The following OBSL1 variants were observed in gnomAD, a reference collection of about 807,000 sequenced individuals.
OBSL1 encodes the protein obscurin-like protein 1.
In OBSL1, 160 loss-of-function variants were observed where a neutral mutation model predicts 172.0. The ratio of observed to expected loss-of-function variants is 0.93; its 90% CI spans 0.82 to 1.06. The LOEUF is 1.06. Among genes scored for constraint, OBSL1 ranks in the 50% least tolerant of loss-of-function variants. The pLI, the probability that OBSL1 is intolerant of heterozygous loss-of-function variation, is 0.00. For synonymous variants in OBSL1, 1,200 were observed against 1,196.3 expected (o/e 1.00, Z -0.06); for missense variants, 2,681 against 2,715.4 (o/e 0.99, Z 0.28).
chr2:219,571,381 C>T lies in OBSL1; in HGVS notation c.-149G>A. On this transcript the variant is annotated 5_prime_UTR_variant, in exon 1 of 21. Transcript: ENST00000404537. ...GCTCTCCCGGGCCTCCCGCTCCCGG[C>T]TCGCCTCCTTACCCTCGGCCCCGAG... 2.4e-6 allele frequency: 1 copy of T among 424,868 alleles called. No individual in the cohort carries two copies. The highest frequency in any genetic ancestry group is 3.8e-6 in the Non-Finnish European group (1 of 263,514). 26.3% of individuals were successfully genotyped at this position (424,868 alleles called of 1,614,324 possible).
chr2:219,569,241 C>A (rs915945359), intron 1 of OBSL1: 1 of 152,184 alleles, frequency 6.6e-6, no homozygotes, highest in Non-Finnish European at 1.5e-5. Flanking sequence ...CAGATCAGCA[C>A]CAACCTGATG....
chr2:219,567,146 C>A lies in OBSL1; in HGVS notation c.1838-20G>T, dbSNP rs757897947. On this transcript the variant is annotated intron_variant, in intron 4 of 20. Coordinates refer to ENST00000404537, the MANE Select transcript of OBSL1 (RefSeq NM_015311.3). ...TGGGCACTGAGGCAGGGACAGAGTGCAGCTGTCAGAACTAGAAGGTGTGGC... is the reference window on the plus strand; with the variant it reads ...TGGGCACTGAGGCAGGGACAGAGTGAAGCTGTCAGAACTAGAAGGTGTGGC... 3 of 1,608,900 alleles carry A rather than the reference C, an allele frequency of 1.9e-6. No homozygotes were observed. Among genetic ancestry groups the A allele is most frequent in the Non-Finnish European group, 2.5e-6 (3 of 1,176,846 alleles).
chr2:219,567,077 G>C lies in OBSL1; in HGVS notation c.1887C>G (p.Asp629Glu), dbSNP rs377378051. ...CGAGGGAGAAGACGGCATCTTCCCC[G>C]TCGTATACCTGCACATCCTCCAGAC... The part of the protein sequence containing the change: ...VAGLEDVQVY[D>E]GEDAVFSLDL... The change falls in exon 5 of 21, where the codon GAC becomes GAG. Residue 629 changes from aspartate to glutamate, a missense_variant. Asp to Glu is a conservative substitution (Grantham distance 45). Coordinates refer to ENST00000404537, the MANE Select transcript of OBSL1 (RefSeq NM_015311.3). 6.2e-7 allele frequency: 1 copy of C among 1,613,234 alleles called. No individual in the cohort carries two copies. The highest frequency in any genetic ancestry group is 1.7e-5 in the Admixed American group (1 of 60,008).
intron 15 of OBSL1, among the ~76,000 whole-genome samples, chr2:219,553,908 G>T (rs975841478): frequency 8.5e-5 from 13 of 152,054 alleles, no homozygotes; most frequent in African/African-American, 2.9e-4. Context: ...GGCCAACTGG[G>T]AGTCACACTT....
intron 9 of OBSL1, among the ~76,000 whole-genome samples, 173 bp from the exon 10 acceptor site, chr2:219,558,632 T>C (rs1696223999): frequency 6.6e-6 from 1 of 152,248 alleles, no homozygotes; most frequent in South Asian, 2.1e-4. Flanking sequence ...CCCTGTGTTT[T>C]TTCAATCAGT....
chr2:219,565,117 C>T (rs924302334), intron 6 of OBSL1, 125 bp downstream of exon 6: 25 of 974,046 alleles, frequency 2.6e-5, no homozygotes, highest in Non-Finnish European at 3.7e-5. Flanking sequence ...TGAAACATGT[C>T]CCCTGGGCCA....
At chr2:219,548,680 A>G (rs1409419037), downstream of OBSL1, among the ~76,000 whole-genome samples, 1 of 152,186 alleles carries the variant, frequency 6.6e-6, no homozygotes, top group African/African-American at 2.4e-5. Context: ...TCTGGGTCAT[A>G]AGAAGCACTC....
At chr2:219,549,667 T>C, downstream of OBSL1, 1 of 1,600,484 alleles carries the variant, frequency 6.2e-7, no homozygotes, top group South Asian at 1.1e-5. Context: ...AGGTGGCTTT[T>C]AGGGCAGGAT....
intron 7 of OBSL1, chr2:219,562,948 G>T: frequency 1.8e-6 from 1 of 547,726 alleles, no homozygotes; most frequent in Non-Finnish European, 3.2e-6. Context: ...TCTCTGGGTT[G>T]GGACAGGGAC....
chr2:219,552,779 G>A (rs1695728569), intron 17 of OBSL1, 82 bp from the exon 18 acceptor site: 6 of 1,515,910 alleles, frequency 4.0e-6, no homozygotes, highest in Non-Finnish European at 3.5e-6. Flanking sequence ...CTTTCTAGAA[G>A]CACGCGCGGT....
rs6436157 is a variant in OBSL1 at position 219,553,189 on chromosome 2, T to C, written c.4990-165A>G. 0.94 allele frequency among the ~76,000 whole-genome samples: 143,421 copies of C among 152,266 alleles called. 67,964 individuals are homozygous for C. Among genetic ancestry groups the C allele is most frequent in the East Asian group, 1 (5,153 of 5,154 alleles). ...TCGGACTGTCCCCAAGCCTTTGGGG[T>C]CGTGCCAGGAGCCTCTTTGAAAAAG... On this transcript the variant is annotated intron_variant, in intron 16 of 20. Coordinates refer to ENST00000404537, the MANE Select transcript of OBSL1 (RefSeq NM_015311.3).
downstream of OBSL1, chr2:219,549,080 TGA>T (rs781735595): frequency 1.5e-5 from 24 of 1,559,136 alleles, 1 homozygote; most frequent in South Asian, 2.6e-4. Flanking sequence ...ACAGGTGGGA[TGA>T]GAGAGGGAGG....
chr2:219,559,486 G>C lies in OBSL1; in HGVS notation c.2965C>G (p.Arg989Gly). The C allele has an allele frequency of 6.2e-7, 1 of 1,608,700 alleles. No homozygotes were observed. Among genetic ancestry groups the C allele is most frequent in the Non-Finnish European group, 8.5e-7 (1 of 1,175,516 alleles). Reference protein sequence around the residue: ...FTVTVTEPPVRIIYPRDEVTL... With the variant: ...FTVTVTEPPVGIIYPRDEVTL... ...ACCTCATCGCGAGGGTATATGATCCGCACTGGGGGTTCTGCAGGGTGGGGA... is the reference window on the plus strand; with the variant it reads ...ACCTCATCGCGAGGGTATATGATCCCCACTGGGGGTTCTGCAGGGTGGGGA... The change falls in exon 9 of 21, where the codon CGG (arginine) becomes GGG (glycine). Residue 989 changes from arginine (R) to glycine (G), a missense_variant. Arg to Gly is a moderately radical substitution (Grantham distance 125). Transcript: ENST00000404537.
Position 219,553,670 on chromosome 2 carries a change from G to T in OBSL1, c.4893C>A (p.Ile1631=), listed in dbSNP as rs770935107. Residue 1631 remains isoleucine, a synonymous_variant, in exon 16 of 21, where the codon ATC becomes ATA. Coordinates refer to ENST00000404537, the MANE Select transcript of OBSL1 (RefSeq NM_015311.3). ...CCTCTAGGTCGTGTGGCCCCCGCACGATGGTCACTGGGACCTCTGGGGGTG... is the reference window on the plus strand; with the variant it reads ...CCTCTAGGTCGTGTGGCCCCCGCACTATGGTCACTGGGACCTCTGGGGGTG... The part of the protein sequence containing the change: ...RLIVREVPVT[I]VRGPHDLEVT... 1.5e-5 allele frequency: 25 copies of T among 1,613,222 alleles called. No homozygotes were observed. Among genetic ancestry groups the T allele is most frequent in the Middle Eastern group, 1.6e-4 (1 of 6,082 alleles).
downstream of OBSL1, among the ~76,000 whole-genome samples, chr2:219,548,835 G>A (rs1035015001): frequency 6.6e-6 from 1 of 152,166 alleles, no homozygotes; most frequent in African/African-American, 2.4e-5. Context: ...GGGGAAACCA[G>A]TGAAGAAGCA....
At chr2:219,569,375 T>C (rs1697176405) in intron 1 of OBSL1, 1 of 152,200 alleles carries the variant, frequency 6.6e-6, no homozygotes, top group African/African-American at 2.4e-5. Context: ...GAGAAAAAAC[T>C]GGACAATAAC....
At chr2:219,555,738 G>A in intron 14 of OBSL1, 1 of 1,330,870 alleles carries the variant, frequency 7.5e-7, no homozygotes, top group African/African-American at 1.5e-5. Flanking sequence ...ATACATGCCT[G>A]AAGGATGCCC....
Position 219,558,120 on chromosome 2 carries a change from A to G in OBSL1, c.3503-10T>C. The G allele has an allele frequency of 6.2e-7, 1 of 1,612,892 alleles. No homozygotes were observed. The highest frequency in any genetic ancestry group is 1.1e-5 in the South Asian group (1 of 91,022). ...AACTGCACTGGAGGCTCTGGAGAAG[A>G]GAGGAAGGTGTCATCCCATGCTTGC... On this transcript the variant is annotated splice_polypyrimidine_tract_variant and intron_variant, in intron 10 of 20. Transcript: ENST00000404537.
chr2:219,556,308 G>A lies in OBSL1; in HGVS notation c.4337-16C>T. On this transcript the variant is annotated splice_polypyrimidine_tract_variant and intron_variant, in intron 13 of 20. Transcript: ENST00000404537. ...AGCTCTGTCTCTGGTGGGGAAGAAGGAGGCCATGGAGTCTGGTGGGGTTGG... is the reference window on the plus strand; with the variant it reads ...AGCTCTGTCTCTGGTGGGGAAGAAGAAGGCCATGGAGTCTGGTGGGGTTGG... 6.4e-7 allele frequency: 1 copy of A among 1,571,168 alleles called. No homozygotes were observed. The highest frequency in any genetic ancestry group is 8.7e-7 in the Non-Finnish European group (1 of 1,155,284).
Sources: allele counts gnomAD v4.1 joint callset (sites outside exome capture counted in the v4.1 genomes callset), GRCh38; gene constraint gnomAD v4.1.1; transcripts MANE v1.5; gene names NCBI Gene and HGNC (gene_info 2026-07-23, HGNC 2026-07-21).